The following RYR1 variants were observed in gnomAD, a reference collection of about 807,000 sequenced individuals.
RYR1 encodes the protein central core disease of muscle.
In RYR1, 342 loss-of-function variants were observed where a neutral mutation model predicts 583.5. The observed-to-expected ratio is 0.59, with a 90% CI of 0.54 to 0.64. The LOEUF is 0.64. Among genes scored for constraint, RYR1 ranks in the 30% least tolerant of loss-of-function variants. The pLI, the probability that RYR1 is intolerant of heterozygous loss-of-function variation, is 0.00. For missense variants in RYR1, 6,032 were observed against 6,917.2 expected (o/e 0.87, Z 4.54); for synonymous variants, 2,791 against 2,822.5 (o/e 0.99, Z 0.35).
Position 38,502,728 on chromosome 19 carries a change from G to C in RYR1, c.7835+1G>C. ...AGGACTGCCTCATGTCGCTCTGCAG[G>C]TGGAGCGGGGCAGGCTTCAGGGTGG... On this transcript the variant is annotated splice_donor_variant, in intron 48 of 105. Transcript: ENST00000359596. LOFTEE classifies it high-confidence loss of function. 3.2e-6 allele frequency: 5 copies of C among 1,559,860 alleles called. No individual in the cohort carries two copies. The highest frequency in any genetic ancestry group is 1.1e-5 in the South Asian group (1 of 89,940).
intron 29 of RYR1, among the ~76,000 whole-genome samples, 177 bp downstream of exon 29, chr19:38,475,627 A>G (rs1915485248): frequency 6.6e-6 from 1 of 152,206 alleles, no homozygotes; most frequent in African/African-American, 2.4e-5. Context: ...GAACCCCTAA[A>G]TCCATATAGC....
At position 38,523,053 on chromosome 19, in the gene RYR1, C is replaced by T. The variant is rs774372620; in HGVS notation, c.10285C>T (p.Pro3429Ser). ...GGCGCAGTGGCTGACGGAGCCGAATCCCAGCGCGGAGGAGCTGTTCAGGAT... is the reference window on the plus strand; with the variant it reads ...GGCGCAGTGGCTGACGGAGCCGAATTCCAGCGCGGAGGAGCTGTTCAGGAT... ...NRAQWLTEPNPSAEELFRMVG... is the reference protein window; with the variant it reads ...NRAQWLTEPNSSAEELFRMVG... Residue 3429 changes from proline (P) to serine (S), a missense_variant, in exon 68 of 106, where the codon CCC (proline) becomes TCC (serine). Physicochemically the swap from Pro to Ser is moderately conservative, Grantham distance 74. Coordinates refer to ENST00000359596, the MANE Select transcript of RYR1 (RefSeq NM_000540.3). The T allele has an allele frequency of 1.2e-6, 2 of 1,608,796 alleles. No individual in the cohort carries two copies. Among genetic ancestry groups the T allele is most frequent in the South Asian group, 1.1e-5 (1 of 90,632 alleles).
chr19:38,585,222 C>T (rs1974420510), intron 102 of RYR1, 123 bp downstream of exon 102: 2 of 1,218,792 alleles, frequency 1.6e-6, no homozygotes, highest in African/African-American at 3.0e-5. Context: ...ACTGTGAGAC[C>T]TTGGGCAAGT....
intron 89 of RYR1, among the ~76,000 whole-genome samples, chr19:38,559,486 G>A (rs185597992): frequency 8.6e-5 from 13 of 151,908 alleles, no homozygotes; most frequent in South Asian, 6.3e-4. Context: ...CACCCGCCTC[G>A]GCCTCCCAAA....
Position 38,444,279 on chromosome 19 carries a change from C to T in RYR1, c.537+18C>T, listed in dbSNP as rs1031245346. The T allele has an allele frequency of 2.5e-6, 4 of 1,590,452 alleles. No homozygotes were observed. In the African/African-American group the frequency reaches 4.0e-5, roughly 16 times the overall value. On this transcript the variant is annotated intron_variant, in intron 6 of 105. Coordinates refer to ENST00000359596, the MANE Select transcript of RYR1 (RefSeq NM_000540.3). This position sits in a 1 kb window ranked among gnomAD's most constrained non-coding sequence, Gnocchi z 5.1. ...GCTACCTGGTGAGCCATTGCGGTTC[C>T]TCCTGCTCCCAGGTCTGGGGGCGCA... is the stretch of plus-strand genomic sequence containing the variant.
At position 38,466,257 on chromosome 19, in the gene RYR1, C is replaced by A; in HGVS notation, c.3037C>A (p.Pro1013Thr). The change falls in exon 24 of 106, where the codon CCA becomes ACA. Residue 1013 changes from proline to threonine, a missense_variant. Coordinates refer to ENST00000359596, the MANE Select transcript of RYR1 (RefSeq NM_000540.3). ...GAGCTACAGCGCAGTGCAGGACATC[C>A]CAGCGCGCCGAAACCCTCGGCTGGT... ...GWSYSAVQDI[P>T]ARRNPRLVPY... 3 of 1,613,254 alleles carry A rather than the reference C, an allele frequency of 1.9e-6. No homozygotes were observed. The highest frequency in any genetic ancestry group is 2.5e-6 in the Non-Finnish European group (3 of 1,179,924).
intron 30 of RYR1, 114 bp downstream of exon 30, chr19:38,477,984 G>T (rs1479336684): frequency 1.8e-6 from 2 of 1,105,054 alleles, no homozygotes; most frequent in Non-Finnish European, 2.7e-6. Flanking sequence ...ACTTTCTGGA[G>T]CGGGAGGATT....
chr19:38,517,815 C>G, intron 66 of RYR1, 124 bp downstream of exon 66: 1 of 932,282 alleles, frequency 1.1e-6, no homozygotes, highest in Non-Finnish European at 1.6e-6. Flanking sequence ...TAGGTTTTTT[C>G]AGCATCAAAA....
In RYR1 at chr19:38,587,431, G is replaced by A; in HGVS notation, c.*11G>A. Reference sequence around the variant, plus strand: ...GACCAGCTTAGCTGACACACCCCCAGCTGGCCCTCCACCCCCACCTCAAGT... The same window carrying A: ...GACCAGCTTAGCTGACACACCCCCAACTGGCCCTCCACCCCCACCTCAAGT... On this transcript the variant is annotated 3_prime_UTR_variant, in exon 106 of 106. Coordinates refer to ENST00000359596, the MANE Select transcript of RYR1 (RefSeq NM_000540.3). 6.2e-7 allele frequency: 1 copy of A among 1,608,494 alleles called. No homozygotes were observed. The highest frequency in any genetic ancestry group is 1.1e-5 in the South Asian group (1 of 90,910).
At chr19:38,585,177 C>A in intron 102 of RYR1, 78 bp downstream of exon 102, 1 of 1,529,732 alleles carries the variant, frequency 6.5e-7, no homozygotes, top group Non-Finnish European at 8.9e-7. Context: ...AGGATCCAGT[C>A]GGCCTGCATT....
rs374320090 is a variant in RYR1 at position 38,546,542 on chromosome 19, T to G, written c.12094+16T>G. 1 of 1,603,434 alleles carries G rather than the reference T, an allele frequency of 6.2e-7. No individual in the cohort carries two copies. On this transcript the variant is annotated intron_variant, in intron 88 of 105. Coordinates refer to ENST00000359596, the MANE Select transcript of RYR1 (RefSeq NM_000540.3). ...CTACTAGAAGGTAAACACCCAGGAGTGAGGGTGAGGGAACAGTAAAGAGGT... is the reference window on the plus strand; with the variant it reads ...CTACTAGAAGGTAAACACCCAGGAGGGAGGGTGAGGGAACAGTAAAGAGGT...
chr19:38,536,706 C>G (rs575419601), intron 82 of RYR1, 44 bp from the exon 83 acceptor site: 1 of 1,613,152 alleles, frequency 6.2e-7, no homozygotes, highest in South Asian at 1.1e-5. Flanking sequence ...CTCTTTTTCT[C>G]TCTTTTCTCC....
intron 67 of RYR1, 29 bp from the exon 68 acceptor site, chr19:38,522,999 C>T (rs1374841279): frequency 6.5e-7 from 1 of 1,547,708 alleles, no homozygotes; most frequent in African/African-American, 1.4e-5. Context: ...TCCCCACCCC[C>T]TCCCTCACCT....
At chr19:38,447,528 G>A (rs1053760517) in intron 9 of RYR1, among the ~76,000 whole-genome samples, 4 of 150,172 alleles carry the variant, frequency 2.7e-5, no homozygotes, top group East Asian at 2.0e-4. Context: ...GCGACAGAGC[G>A]AGACTCCATC....
rs769276412 is a variant in RYR1, at chr19:38,505,328, A to T, written c.8330A>T (p.Tyr2777Phe). 25 of 1,611,748 alleles carry T rather than the reference A, an allele frequency of 1.6e-5. No homozygotes were observed. Among genetic ancestry groups the T allele is most frequent in the Non-Finnish European group, 1.9e-5 (22 of 1,178,876 alleles). The change falls in exon 53 of 106, where the codon TAT becomes TTT. Residue 2777 changes from tyrosine (Y) to phenylalanine (F), a missense_variant. By Grantham distance (22) the Tyr-to-Phe change is conservative. Transcript: ENST00000359596. ...AFDKIQNNWS[Y>F]GENIDEELKT... ...CTCTAGATCCAGAACAACTGGTCCT[A>T]TGGAGAGAACATAGACGAGGAGCTG...
chr19:38,577,253 T>TA (rs1210519275), intron 97 of RYR1, among the ~76,000 whole-genome samples: 1 of 152,152 alleles, frequency 6.6e-6, no homozygotes, highest in Non-Finnish European at 1.5e-5. Context: ...GGGGTAATAA[T>TA]ACGGCCAACC....
intron 20 of RYR1, among the ~76,000 whole-genome samples, chr19:38,461,317 A>G (rs1967729852): frequency 6.6e-6 from 1 of 152,162 alleles, no homozygotes; most frequent in Admixed American, 6.5e-5. Flanking sequence ...TTTTAAAAGG[A>G]GTGAGAGAGG....
At chr19:38,452,068 C>T (rs973253081) in intron 12 of RYR1, among the ~76,000 whole-genome samples, 183 bp downstream of exon 12, 8 of 146,460 alleles carry the variant, frequency 5.5e-5, no homozygotes, top group Non-Finnish European at 1.2e-4. Context: ...GCATGAGGAT[C>T]GCTTGGGCCC....
chr19:38,537,789 C>T (rs754805761), intron 83 of RYR1, 91 bp from the exon 84 acceptor site: 13 of 1,148,582 alleles, frequency 1.1e-5, no homozygotes, highest in Non-Finnish European at 1.6e-5. Flanking sequence ...TTTGTGCATG[C>T]GTGTGCAGTG....
Sources: allele counts gnomAD v4.1 joint callset (sites outside exome capture counted in the v4.1 genomes callset), GRCh38; gene constraint gnomAD v4.1.1; non-coding constraint Gnocchi (gnomAD v3.1); transcripts MANE v1.5; gene names NCBI Gene and HGNC (gene_info 2026-07-23, HGNC 2026-07-21).